The following SYNJ1 variants were observed in gnomAD, a reference collection of about 807,000 sequenced individuals.
SYNJ1 encodes the protein synaptojanin 1.
In SYNJ1, 78 loss-of-function variants were observed where a neutral mutation model predicts 168.2. That is an observed-to-expected ratio of 0.46 (90% CI 0.39 to 0.56). The LOEUF is 0.56. SYNJ1 is among the 20% of genes least tolerant of loss of function. The pLI is 0.00. For missense variants in SYNJ1, 1,303 were observed against 1,597.6 expected (o/e 0.82, Z 3.14); for synonymous variants, 539 against 548.6 (o/e 0.98, Z 0.24).
intron 1 of SYNJ1, among the ~76,000 whole-genome samples, chr21:32,727,491 G>A (rs952741100): frequency 6.6e-6 from 1 of 152,160 alleles, no homozygotes; most frequent in East Asian, 1.9e-4. Context: ...GGCTACCGCC[G>A]GCTGGGGGGA....
intron 15 of SYNJ1, 108 bp from the exon 16 acceptor site, chr21:32,666,681 G>T: frequency 1.7e-6 from 2 of 1,156,574 alleles, no homozygotes; most frequent in Non-Finnish European, 2.3e-6. Flanking sequence ...CTAAGACTCT[G>T]AAGGAAGCTT....
At chr21:32,664,584 G>T (rs542421807) in intron 18 of SYNJ1, among the ~76,000 whole-genome samples, 3 of 151,752 alleles carry the variant, frequency 2.0e-5, no homozygotes, top group Non-Finnish European at 4.4e-5. Flanking sequence ...AATCGATCAC[G>T]ACCCTCTCAC....
intron 18 of SYNJ1, among the ~76,000 whole-genome samples, chr21:32,660,146 G>A (rs371516878): frequency 6.7e-4 from 102 of 152,198 alleles, no homozygotes; most frequent in Admixed American, 1.6e-3. Flanking sequence ...CAGACTGTGC[G>A]GCTCTGGCCA....
At chr21:32,701,577 C>G (rs1282582864) in intron 3 of SYNJ1, among the ~76,000 whole-genome samples, 1 of 148,628 alleles carries the variant, frequency 6.7e-6, no homozygotes, top group African/African-American at 2.5e-5. Context: ...CAGACACTTT[C>G]TGAATTCAAA....
chr21:32,657,464 A>C (rs530993487), intron 19 of SYNJ1, among the ~76,000 whole-genome samples: 1 of 152,356 alleles, frequency 6.6e-6, no homozygotes, highest in South Asian at 2.1e-4. Context: ...AATTAGCTTC[A>C]ATTAAAAATT....
intron 23 of SYNJ1, among the ~76,000 whole-genome samples, chr21:32,649,718 A>T (rs2040203722): frequency 6.6e-6 from 1 of 152,242 alleles, no homozygotes; most frequent in Admixed American, 6.5e-5. Flanking sequence ...AAGTATACGC[A>T]AAATAAACAC....
intron 29 of SYNJ1, among the ~76,000 whole-genome samples, chr21:32,640,851 G>C (rs934479625): frequency 6.6e-6 from 1 of 152,102 alleles, no homozygotes; most frequent in Admixed American, 6.5e-5. Context: ...TTTGCTGAAG[G>C]ATCTAAGCTA....
intron 31 of SYNJ1, among the ~76,000 whole-genome samples, chr21:32,637,179 G>A (rs966365980): frequency 6.6e-5 from 10 of 152,012 alleles, no homozygotes; most frequent in African/African-American, 1.9e-4. Flanking sequence ...ATTATGGCAC[G>A]CAACTACAAT....
rs1371140342 is a variant in SYNJ1, at chr21:32,650,732, C to T, written c.2875-386G>A. On this transcript the variant is annotated intron_variant, in intron 22 of 32. Transcript: ENST00000674351. ...CCACGTGAAACAACTACAAAAGAGA[C>T]AGCAGAAAATCTTTAAAATGCATTT... Among the ~76,000 whole-genome samples the T allele has an allele frequency of 2.0e-5, 3 of 152,182 alleles. No individual in the cohort carries two copies. In the South Asian group the frequency reaches 6.2e-4, roughly 31 times the overall value.
intron 2 of SYNJ1, among the ~76,000 whole-genome samples, chr21:32,707,274 T>G (rs956183719): frequency 6.6e-6 from 1 of 151,404 alleles, no homozygotes; most frequent in Non-Finnish European, 1.5e-5. Flanking sequence ...TAAGTCTTAT[T>G]TCTTTTTCCT....
rs111819069 is a variant in SYNJ1, at chr21:32,668,434, T to A, written c.1811+1854A>T. ...AAACTCTATTTAGACAAACAATTGA[T>A]CCATGCACTTAGTACTAGGAACCCT... is the stretch of plus-strand genomic sequence containing the variant. On this transcript the variant is annotated intron_variant, in intron 15 of 32. Transcript: ENST00000674351. Among the ~76,000 whole-genome samples the A allele has an allele frequency of 7.2e-5, 11 of 152,318 alleles. 1 individual carries two copies. Among genetic ancestry groups the A allele is most frequent in the African/African-American group, 2.6e-4 (11 of 41,562 alleles).
chr21:32,638,437 C>T (rs974595952), intron 31 of SYNJ1, among the ~76,000 whole-genome samples: 1 of 152,204 alleles, frequency 6.6e-6, no homozygotes, highest in African/African-American at 2.4e-5. Flanking sequence ...TGGCTCACGC[C>T]TGTAATCCCA....
chr21:32,668,551 C>G (rs2041049765), intron 15 of SYNJ1, among the ~76,000 whole-genome samples: 1 of 152,112 alleles, frequency 6.6e-6, no homozygotes, highest in Non-Finnish European at 1.5e-5. Context: ...TTCCAATTTT[C>G]CTGATGTGAA....
chr21:32,657,936 C>A, intron 18 of SYNJ1, 64 bp from the exon 19 acceptor site: 1 of 1,346,236 alleles, frequency 7.4e-7, no homozygotes. Context: ...TTCATTCAGA[C>A]AGTCATCCAT....
intron 27 of SYNJ1, 118 bp downstream of exon 27, chr21:32,643,292 A>T: frequency 9.7e-7 from 1 of 1,030,334 alleles, no homozygotes; most frequent in Non-Finnish European, 1.5e-6. Flanking sequence ...AGAGAAGTTT[A>T]CAGCTGGACC....
chr21:32,672,058 T>TCAAAAAAAAAAAAAAAAAAAAA (rs2041215328), intron 14 of SYNJ1, among the ~76,000 whole-genome samples: 1 of 9,368 alleles, frequency 1.1e-4, no homozygotes, highest in Non-Finnish European at 2.1e-4. Context: ...AAACTCAATC[T>TCAAAAAAAAAAAAAAAAAAAAA]CAAAAAAAAA....
chr21:32,685,023 C>CAA lies in SYNJ1; in HGVS notation c.1118+723_1118+724dup, dbSNP rs963349159. Among the ~76,000 whole-genome samples the CAA allele has an allele frequency of 7.0e-5, 10 of 143,690 alleles. 1 individual carries two copies. The highest frequency in any genetic ancestry group is 2.5e-4 in the African/African-American group (10 of 39,474). The allele number at this position is 143,690 out of a possible 152,430, so 94.3% of individuals were successfully genotyped here. ...TGAAACCCCGTCTCTACTAAAAATA[C>CAA]AAAAAAAAAACAGCCGGGAGTGGTG... On this transcript the variant is annotated intron_variant, in intron 9 of 32. Transcript: ENST00000674351.
At chr21:32,685,696 A>G in intron 9 of SYNJ1, 52 bp downstream of exon 9, 1 of 1,368,244 alleles carries the variant, frequency 7.3e-7, no homozygotes, top group South Asian at 1.9e-5. Flanking sequence ...CGTTAAGAAT[A>G]ATTTTTAATT....
At chr21:32,682,586 A>G (rs919399404) in intron 10 of SYNJ1, among the ~76,000 whole-genome samples, 7 of 152,132 alleles carry the variant, frequency 4.6e-5, no homozygotes, top group Non-Finnish European at 1.0e-4. Flanking sequence ...GGCCTCCTTT[A>G]TCATTTAAAT....
Sources: allele counts gnomAD v4.1 joint callset (sites outside exome capture counted in the v4.1 genomes callset), GRCh38; gene constraint gnomAD v4.1.1; transcripts MANE v1.5; gene names NCBI Gene and HGNC (gene_info 2026-07-23, HGNC 2026-07-21).